Variants in MCTP1 observed in about 807,000 individuals in gnomAD.
MCTP1 encodes multiple C2 and transmembrane domain-containing protein 1.
A neutral mutation model predicts 120.6 loss-of-function variants in MCTP1; 69 were observed. The ratio of observed to expected loss-of-function variants is 0.57; its 90% CI spans 0.47 to 0.70. MCTP1 has a LOEUF of 0.70. Among genes scored for constraint, MCTP1 ranks in the 30% least tolerant of loss-of-function variants. The pLI is 0.00. For synonymous variants in MCTP1, 529 were observed against 493.1 expected, an observed-to-expected ratio of 1.07 and a Z score of -0.96; for missense variants, 1,203 against 1,248.8, an observed-to-expected ratio of 0.96 and a Z score of 0.55.
intron 5 of MCTP1, among the ~76,000 whole-genome samples, chr5:94,938,264 C>T (rs1816691862): frequency 6.6e-6 from 1 of 151,526 alleles, no homozygotes; most frequent in Non-Finnish European, 1.5e-5. Context: ...AAGACCCAAA[C>T]CTTAACATGG....
At chr5:95,150,331 T>C (rs1760774606) in intron 1 of MCTP1, among the ~76,000 whole-genome samples, 1 of 152,230 alleles carries the variant, frequency 6.6e-6, no homozygotes, top group Non-Finnish European at 1.5e-5. Context: ...CATTGGACTA[T>C]AACTTTTGCT....
intron 5 of MCTP1, among the ~76,000 whole-genome samples, chr5:94,934,666 G>C (rs1481408931): frequency 6.6e-6 from 1 of 150,534 alleles, no homozygotes; most frequent in African/African-American, 2.4e-5. Flanking sequence ...ACTTTTTGTA[G>C]GTAGATATTT....
chr5:95,079,280 G>A (rs942652225), intron 1 of MCTP1, among the ~76,000 whole-genome samples: 1 of 152,002 alleles, frequency 6.6e-6, no homozygotes, highest in Non-Finnish European at 1.5e-5. Flanking sequence ...AAGCACCTAT[G>A]GGAAGTATGG....
chr5:95,125,780 T>C (rs1038137171), intron 1 of MCTP1, among the ~76,000 whole-genome samples: 3 of 152,220 alleles, frequency 2.0e-5, no homozygotes, highest in African/African-American at 7.2e-5. Flanking sequence ...TGAAATCATA[T>C]ACATAAACTA....
chr5:95,145,306 T>C (rs1044974935), intron 1 of MCTP1, among the ~76,000 whole-genome samples: 3 of 152,170 alleles, frequency 2.0e-5, no homozygotes, highest in Admixed American at 2.0e-4. Flanking sequence ...TGCAGTCTTT[T>C]GGGGTTTTCT....
chr5:95,118,822 CA>C (rs1758002234), intron 1 of MCTP1, among the ~76,000 whole-genome samples: 1 of 152,148 alleles, frequency 6.6e-6, no homozygotes, highest in African/African-American at 2.4e-5. Context: ...GGGGTCAATT[CA>C]GCACAATATT....
At chr5:94,813,380 T>C (rs1184975230) in intron 17 of MCTP1, among the ~76,000 whole-genome samples, 2 of 152,312 alleles carry the variant, frequency 1.3e-5, no homozygotes, top group East Asian at 3.9e-4. Context: ...TGTAAAATGG[T>C]AAGCCTACTT....
At chr5:95,208,434 C>T (rs141589118) in intron 1 of MCTP1, among the ~76,000 whole-genome samples, 157 of 152,214 alleles carry the variant, frequency 1.0e-3, no homozygotes, top group African/African-American at 3.6e-3. Flanking sequence ...CATCAAAAGT[C>T]AATACAGATA....
At chr5:94,928,501 T>A (rs544316456) in intron 6 of MCTP1, among the ~76,000 whole-genome samples, 1 of 152,152 alleles carries the variant, frequency 6.6e-6, no homozygotes, top group South Asian at 2.1e-4. Flanking sequence ...GTCACATAAG[T>A]GTAACTCTTT....
At chr5:94,792,963 G>A (rs1402661425) in intron 18 of MCTP1, 4 of 152,170 alleles carry the variant, frequency 2.6e-5, no homozygotes, top group Non-Finnish European at 4.4e-5. Context: ...GTGTAAGTAT[G>A]TCCTGTTGTT....
At chr5:95,055,957 T>C in intron 1 of MCTP1, among the ~76,000 whole-genome samples, 1 of 152,236 alleles carries the variant, frequency 6.6e-6, no homozygotes, top group East Asian at 1.9e-4. Flanking sequence ...AAGGCTAGTA[T>C]GCTATACATG....
intron 1 of MCTP1, among the ~76,000 whole-genome samples, chr5:95,144,001 C>T (rs1437007337): frequency 1.3e-5 from 2 of 152,062 alleles, no homozygotes; most frequent in Non-Finnish European, 2.9e-5. Context: ...TCCACAGTGA[C>T]TGAACTAATT....
At chr5:95,208,745 T>G (rs1023048742) in intron 1 of MCTP1, among the ~76,000 whole-genome samples, 6 of 150,904 alleles carry the variant, frequency 4.0e-5, no homozygotes, top group Admixed American at 2.0e-4. Flanking sequence ...AAAAAAAAAG[T>G]TCTAGAACAT....
intron 1 of MCTP1, among the ~76,000 whole-genome samples, chr5:95,268,646 G>A (rs1759104233): frequency 6.6e-6 from 1 of 152,204 alleles, no homozygotes; most frequent in Non-Finnish European, 1.5e-5. Context: ...GCTTACTCAT[G>A]TGGTCCTAAG....
intron 1 of MCTP1, among the ~76,000 whole-genome samples, chr5:95,049,253 A>C (rs1231071541): frequency 1.3e-5 from 2 of 152,122 alleles, no homozygotes; most frequent in Non-Finnish European, 2.9e-5. Flanking sequence ...CTTCCCGTTA[A>C]ATTTTATAAC....
chr5:94,871,377 A>G lies in MCTP1; in HGVS notation c.2077T>C (p.Tyr693His), dbSNP rs755178876. 3.1e-6 allele frequency: 5 copies of G among 1,612,644 alleles called. No individual in the cohort carries two copies. The highest frequency in any genetic ancestry group is 4.2e-6 in the Non-Finnish European group (5 of 1,178,964). ...DIHSVLEVTV[Y>H]DEDRDRSADF... ...GCACTTCGATCCCGATCTTCATCAT[A>G]AACTGTCACTTCAAGAACTGAATGG... is the stretch of plus-strand genomic sequence containing the variant. The change falls in exon 14 of 23, where the codon TAT (tyrosine) becomes CAT (histidine). Residue 693 changes from tyrosine (Y) to histidine (H), a missense_variant. Physicochemically the swap from Tyr to His is moderately conservative, Grantham distance 83. Transcript: ENST00000515393.
At chr5:94,834,120 G>C (rs933154832) in intron 17 of MCTP1, among the ~76,000 whole-genome samples, 4 of 152,174 alleles carry the variant, frequency 2.6e-5, no homozygotes, top group Non-Finnish European at 5.9e-5. Flanking sequence ...GGGAGACTTG[G>C]ACATTATGGT....
At chr5:94,734,366 A>C (rs1763741742) in intron 19 of MCTP1, among the ~76,000 whole-genome samples, 1 of 152,258 alleles carries the variant, frequency 6.6e-6, no homozygotes, top group African/African-American at 2.4e-5. Context: ...TAGAGTAAAA[A>C]AAACTCTGGT....
intron 1 of MCTP1, among the ~76,000 whole-genome samples, chr5:95,045,782 C>T (rs1185780336): frequency 6.6e-6 from 1 of 152,106 alleles, no homozygotes; most frequent in Non-Finnish European, 1.5e-5. Context: ...TTAAAGTTCT[C>T]AAAATAACCT....
Sources: gnomAD v4.1 joint callset for allele counts (sites outside exome capture counted in the v4.1 genomes callset) on GRCh38, gnomAD v4.1.1 for gene constraint, MANE v1.5 for transcripts, NCBI Gene and HGNC (gene_info 2026-07-23, HGNC 2026-07-21) for gene names.